Variants in SEL1L3 observed in about 807,000 individuals in gnomAD.
The protein encoded by SEL1L3 is SEL1L family member 3.
Under a neutral mutation model 142.8 loss-of-function variants are expected in SEL1L3, and 76 were observed. That is an observed-to-expected ratio of 0.53 (90% CI 0.44 to 0.64). The LOEUF (loss-of-function observed/expected upper bound fraction) is 0.64, where lower values mean the gene tolerates loss of function less well. Among genes scored for constraint, SEL1L3 ranks in the 30% least tolerant of loss-of-function variants. The pLI is 0.00. For synonymous variants in SEL1L3, 504 were observed against 519.6 expected, an observed-to-expected ratio of 0.97 and a Z score of 0.41; for missense variants, 1,262 against 1,381.7, an observed-to-expected ratio of 0.91 and a Z score of 1.37.
At chr4:25,758,053 A>G (rs1285124420) in intron 21 of SEL1L3, among the ~76,000 whole-genome samples, 4 of 152,234 alleles carry the variant, frequency 2.6e-5, no homozygotes. Context: ...TTCTGCTGTG[A>G]TGACAGCAAA....
intron 2 of SEL1L3, among the ~76,000 whole-genome samples, chr4:25,845,053 C>T (rs1716422643): frequency 6.6e-6 from 1 of 152,138 alleles, no homozygotes; most frequent in South Asian, 2.1e-4. Flanking sequence ...ACACAGGACC[C>T]CCTGTAAAAA....
At chr4:25,859,639 G>T (rs1438168265) in intron 1 of SEL1L3, among the ~76,000 whole-genome samples, 1 of 152,172 alleles carries the variant, frequency 6.6e-6, no homozygotes, top group African/African-American at 2.4e-5. Context: ...AACAGGAACT[G>T]GTCCCCAAAT....
intron 11 of SEL1L3, among the ~76,000 whole-genome samples, chr4:25,799,322 G>GCCT (rs1713015276): frequency 6.6e-6 from 1 of 152,088 alleles, no homozygotes; most frequent in Middle Eastern, 3.2e-3. Context: ...TGATCTGCCT[G>GCCT]CCTCCTCCTC....
Position 25,767,735 on chromosome 4 carries a change from C to G in SEL1L3, c.2760+5G>C. The G allele has an allele frequency of 6.4e-7, 1 of 1,557,808 alleles. No individual in the cohort carries two copies. The highest frequency in any genetic ancestry group is 8.8e-7 in the Non-Finnish European group (1 of 1,142,712). ...TTCTACTCTGAGAAGAATACATTTACTTACTGGCCTCTCCTCACAGATGTG... is the reference window on the plus strand; with the variant it reads ...TTCTACTCTGAGAAGAATACATTTAGTTACTGGCCTCTCCTCACAGATGTG... On this transcript the variant is annotated splice_donor_5th_base_variant and intron_variant, in intron 18 of 23. Transcript: ENST00000399878.
At chr4:25,829,759 C>G (rs1715320981) in intron 6 of SEL1L3, among the ~76,000 whole-genome samples, 1 of 152,152 alleles carries the variant, frequency 6.6e-6, no homozygotes, top group South Asian at 2.1e-4. Context: ...TCTCAATAAG[C>G]AACACTAATA....
rs546182716 is a variant in SEL1L3, at chr4:25,835,378, C to T, written c.734-55G>A. ...TTATATCCAGAAAAACATTCCTTCC[C>T]AAACCACATTCATCCTGAAAGCCTC... On this transcript the variant is annotated intron_variant, in intron 2 of 23. Transcript: ENST00000399878. The T allele has an allele frequency of 1.9e-6, 3 of 1,593,568 alleles. No homozygotes were observed. The East Asian group carries it at 6.7e-5, about 36-fold the overall frequency.
chr4:25,723,721 CCACCACCAGCTGCTGGTCCTCA>C, the SEL1L3 span, among the ~76,000 whole-genome samples: 3 of 152,178 alleles, frequency 2.0e-5, no homozygotes, highest in Non-Finnish European at 2.9e-5. Context: ...CCCCTCATCA[CCACCACCAGCTGCTGGTCCTCA>C]CAGCTCTGCC....
At chr4:25,734,087 G>A in the SEL1L3 span, among the ~76,000 whole-genome samples, 1 of 151,932 alleles carries the variant, frequency 6.6e-6, no homozygotes, top group Non-Finnish European at 1.5e-5. Context: ...GCAATGGCGT[G>A]ATCTTGGCTC....
chr4:25,819,094 T>G (rs1426056152), intron 8 of SEL1L3, among the ~76,000 whole-genome samples: 1 of 152,216 alleles, frequency 6.6e-6, no homozygotes, highest in Non-Finnish European at 1.5e-5. Context: ...GGAACATATG[T>G]GAGTAACTCT....
In SEL1L3 at chr4:25,835,218, C is replaced by T. The variant is rs750129330; in HGVS notation, c.839G>A (p.Arg280His). Residue 280 changes from arginine to histidine, a missense_variant, in exon 3 of 24, where the codon CGC (arginine) becomes CAC (histidine). Arg to His is a conservative substitution (Grantham distance 29). Coordinates refer to ENST00000399878, the MANE Select transcript of SEL1L3 (RefSeq NM_015187.5). ...TTACACTGGGTAATCCATCCTCTGG[C>T]GTCGAGTGGCCTCCAGCTCTCGGTT... ...FRNRELEATR[R>H]QRMDYPVFTV... is the part of the protein sequence containing the mutation. 8.7e-6 allele frequency: 14 copies of T among 1,614,038 alleles called. No homozygotes were observed. The highest frequency in any genetic ancestry group is 1.1e-5 in the Non-Finnish European group (13 of 1,179,898).
At chr4:25,776,447 T>C (rs1352934545) in intron 16 of SEL1L3, 87 bp from the exon 17 acceptor site, 8 of 897,594 alleles carry the variant, frequency 8.9e-6, no homozygotes, top group African/African-American at 1.7e-5. Context: ...TAAATCCCAC[T>C]TGGGGAATAT....
intron 16 of SEL1L3, 124 bp from the exon 17 acceptor site, chr4:25,776,484 A>G: frequency 1.5e-6 from 1 of 646,528 alleles, no homozygotes; most frequent in Non-Finnish European, 2.7e-6. Context: ...TTTATAGAGC[A>G]ACAAACCAGA....
Position 25,833,572 on chromosome 4 carries a change from A to G in SEL1L3, c.861-3T>C, listed in dbSNP as rs536662520. 3.1e-5 allele frequency: 50 copies of G among 1,605,756 alleles called. No individual in the cohort carries two copies. Among genetic ancestry groups the G allele is most frequent in the Admixed American group, 1.5e-4 (9 of 58,172 alleles). ...AAAGCCACAATGAAACAGTAAACCT[A>G]TAAGAGTGAGGGGGAAAAAAATTCT... On this transcript the variant is annotated splice_region_variant and splice_polypyrimidine_tract_variant and intron_variant, in intron 3 of 23. Transcript: ENST00000399878.
chr4:25,848,450 A>G (rs1335242656), intron 1 of SEL1L3, among the ~76,000 whole-genome samples: 1 of 152,198 alleles, frequency 6.6e-6, no homozygotes, highest in Non-Finnish European at 1.5e-5. Context: ...AAGTAAGCTC[A>G]GACGATGGGC....
intron 20 of SEL1L3, among the ~76,000 whole-genome samples, chr4:25,762,974 CAAAAAAA>C (rs34744540): frequency 8.9e-6 from 1 of 112,912 alleles, no homozygotes; most frequent in Non-Finnish European, 1.9e-5. Context: ...GACTCTGTGT[CAAAAAAA>C]AAAAAAAAAA....
rs186270525 is a variant in SEL1L3, at chr4:25,773,094, G to A, written c.2669+3183C>T. Among the ~76,000 whole-genome samples the A allele has an allele frequency of 2.6e-5, 4 of 152,258 alleles. No homozygotes were observed. In the East Asian group the frequency reaches 7.7e-4, roughly 29 times the overall value. On this transcript the variant is annotated intron_variant, in intron 17 of 23. Transcript: ENST00000399878. ...TTACAGGCGTGCACCACCACGCCCA[G>A]CAAGATGTGTGAATCTTAGGAGCAT...
At chr4:25,728,747 C>A in the SEL1L3 span, among the ~76,000 whole-genome samples, 1 of 151,334 alleles carries the variant, frequency 6.6e-6, no homozygotes, top group Non-Finnish European at 1.5e-5. Flanking sequence ...GGCAACATGG[C>A]AAAACCCCGT....
At chr4:25,726,860 A>G in the SEL1L3 span, among the ~76,000 whole-genome samples, 1 of 152,138 alleles carries the variant, frequency 6.6e-6, no homozygotes, top group African/African-American at 2.4e-5. Flanking sequence ...TGGCTTTTCC[A>G]TGGCAATGGA....
At chr4:25,791,756 A>G (rs187968243) in intron 11 of SEL1L3, among the ~76,000 whole-genome samples, 218 of 152,262 alleles carry the variant, frequency 1.4e-3, no homozygotes, top group African/African-American at 5.1e-3. Context: ...TGTACTAAAA[A>G]TACATAATTT....
Sources: allele counts gnomAD v4.1 joint callset (sites outside exome capture counted in the v4.1 genomes callset), GRCh38; gene constraint gnomAD v4.1.1; transcripts MANE v1.5; gene names NCBI Gene and HGNC (gene_info 2026-07-23, HGNC 2026-07-21).